The following CADPS2 variants were observed in gnomAD, a reference collection of about 807,000 sequenced individuals.
CADPS2 encodes calcium dependent secretion activator 2.
A neutral mutation model predicts 172.5 loss-of-function variants in CADPS2; 93 were observed. The ratio of observed to expected loss-of-function variants is 0.54; its 90% confidence interval spans 0.46 to 0.64. The LOEUF (loss-of-function observed/expected upper bound fraction) is 0.64. CADPS2 is among the 30% of genes least tolerant of loss of function. The pLI is 0.00. For synonymous variants in CADPS2, 546 were observed against 555.2 expected, an observed-to-expected ratio of 0.98 and a Z score of 0.23; for missense variants, 1,420 against 1,565.9, an observed-to-expected ratio of 0.91 and a Z score of 1.57.
chr7:122,565,240 A>C (rs2066303481), intron 7 of CADPS2, among the ~76,000 whole-genome samples: 2 of 152,102 alleles, frequency 1.3e-5, no homozygotes, highest in Non-Finnish European at 2.9e-5. Flanking sequence ...TTAAAAAAAA[A>C]AAAACTTCCC....
intron 1 of CADPS2, among the ~76,000 whole-genome samples, chr7:122,801,322 T>A (rs1005553140): frequency 2.0e-5 from 3 of 152,100 alleles, no homozygotes; most frequent in South Asian, 2.1e-4. Flanking sequence ...CCAGATATGC[T>A]TAAGTGGTCC....
At position 122,438,477 on chromosome 7, in the gene CADPS2, G is replaced by A. The variant is rs201869950; in HGVS notation, c.2353-13C>T. ...CTTTCATTAAAACCTACAGAGAGAG[G>A]AAGTGGAAGGGTGAGGGGCAGGGTT... is the stretch of plus-strand genomic sequence containing the variant. On this transcript the variant is annotated splice_polypyrimidine_tract_variant and intron_variant, in intron 16 of 29. Coordinates refer to ENST00000449022, the MANE Select transcript of CADPS2 (RefSeq NM_017954.11). The A allele has an allele frequency of 8.1e-6, 13 of 1,612,006 alleles. No homozygotes were observed. In the African/African-American group the frequency reaches 1.7e-4, roughly 22 times the overall value.
At chr7:122,793,167 C>T (rs1795644516) in intron 1 of CADPS2, among the ~76,000 whole-genome samples, 1 of 152,140 alleles carries the variant, frequency 6.6e-6, no homozygotes, top group African/African-American at 2.4e-5. Flanking sequence ...TGCATCCCTC[C>T]AGCCCCTATT....
intron 28 of CADPS2, among the ~76,000 whole-genome samples, chr7:122,335,951 T>C (rs1467469808): frequency 1.3e-5 from 2 of 152,164 alleles, no homozygotes; most frequent in African/African-American, 2.4e-5. Context: ...GCATGAAGAA[T>C]GTAGGTGAGG....
At chr7:122,808,491 G>A (rs73718015) in intron 1 of CADPS2, among the ~76,000 whole-genome samples, 2,462 of 152,226 alleles carry the variant, frequency 0.016, 61 homozygotes, top group African/African-American at 0.056. Context: ...ACCTTCTGCT[G>A]GAGTGATAAA....
chr7:122,658,001 G>C (rs1305630597), intron 3 of CADPS2, among the ~76,000 whole-genome samples: 1 of 152,052 alleles, frequency 6.6e-6, no homozygotes, highest in East Asian at 1.9e-4. Context: ...CTGATAAAGG[G>C]CTAATATCCA....
intron 1 of CADPS2, among the ~76,000 whole-genome samples, chr7:122,780,176 A>G (rs989338638): frequency 3.9e-5 from 6 of 152,150 alleles, no homozygotes; most frequent in Admixed American, 1.3e-4. Flanking sequence ...ACATAAAAAT[A>G]TAAATATAAT....
At chr7:122,707,196 G>A (rs1307573353) in intron 2 of CADPS2, among the ~76,000 whole-genome samples, 3 of 151,896 alleles carry the variant, frequency 2.0e-5, no homozygotes, top group African/African-American at 7.2e-5. Context: ...ACAAGGCACT[G>A]ACATGAGCCA....
At chr7:122,820,564 T>G (rs1400030382) in intron 1 of CADPS2, among the ~76,000 whole-genome samples, 1,671 of 118,878 alleles carry the variant, frequency 0.014, 145 homozygotes, top group African/African-American at 0.054. Context: ...TTGTTTTTTT[T>G]TTTTTTTTTT....
chr7:122,609,110 TC>T (rs1446157565), intron 6 of CADPS2, among the ~76,000 whole-genome samples: 1 of 152,166 alleles, frequency 6.6e-6, no homozygotes, highest in Non-Finnish European at 1.5e-5. Context: ...TTCCTTATTT[TC>T]CTGGCACCAA....
intron 7 of CADPS2, among the ~76,000 whole-genome samples, chr7:122,556,150 T>C (rs996783206): frequency 1.3e-5 from 2 of 152,122 alleles, no homozygotes; most frequent in Non-Finnish European, 2.9e-5. Flanking sequence ...GATCATACTC[T>C]AGAATTCATT....
At chr7:122,506,727 T>TAAA (rs5887092) in intron 9 of CADPS2, among the ~76,000 whole-genome samples, 3 of 142,054 alleles carry the variant, frequency 2.1e-5, no homozygotes, top group Admixed American at 7.0e-5. Flanking sequence ...TAGAGTTATT[T>TAAA]AAAAAAAAAA....
chr7:122,393,140 A>G, intron 22 of CADPS2, 56 bp downstream of exon 22: 2 of 1,595,394 alleles, frequency 1.3e-6, no homozygotes, highest in Non-Finnish European at 1.7e-6. Flanking sequence ...CGCAGAACAC[A>G]GCCCAGGCCA....
chr7:122,612,677 C>G (rs535876530), intron 6 of CADPS2, among the ~76,000 whole-genome samples: 2 of 152,124 alleles, frequency 1.3e-5, no homozygotes, highest in South Asian at 4.1e-4. Flanking sequence ...TTTGCATAAT[C>G]TTTACAAAAG....
intron 20 of CADPS2, among the ~76,000 whole-genome samples, chr7:122,396,927 G>A (rs908886161): frequency 1.3e-5 from 2 of 152,190 alleles, no homozygotes; most frequent in African/African-American, 4.8e-5. Flanking sequence ...TTTGTTGGAT[G>A]AATGAATATT....
intron 8 of CADPS2, among the ~76,000 whole-genome samples, chr7:122,538,737 T>G (rs1029519903): frequency 6.6e-6 from 1 of 152,032 alleles, no homozygotes; most frequent in African/African-American, 2.4e-5. Context: ...TTAGTGAAAT[T>G]AAGTATCTGT....
chr7:122,840,323 A>G (rs1810061173), intron 1 of CADPS2, among the ~76,000 whole-genome samples: 1 of 152,106 alleles, frequency 6.6e-6, no homozygotes, highest in Non-Finnish European at 1.5e-5. Context: ...AGATATACCT[A>G]ATGTAAATGA....
intron 24 of CADPS2, among the ~76,000 whole-genome samples, chr7:122,383,895 G>A (rs2043303378): frequency 6.6e-6 from 1 of 152,114 alleles, no homozygotes; most frequent in South Asian, 2.1e-4. Flanking sequence ...TTTGGCCCAA[G>A]TAGGGCCCCT....
At chr7:122,381,454 TTC>T (rs1491249452) in intron 24 of CADPS2, among the ~76,000 whole-genome samples, 3 of 152,240 alleles carry the variant, frequency 2.0e-5, no homozygotes, top group South Asian at 4.1e-4. Flanking sequence ...CCCAATGTTT[TTC>T]TCTGTTTTCA....
Sources: gnomAD v4.1 joint callset for allele counts (sites outside exome capture counted in the v4.1 genomes callset) on GRCh38, gnomAD v4.1.1 for gene constraint, MANE v1.5 for transcripts, NCBI Gene and HGNC (gene_info 2026-07-23, HGNC 2026-07-21) for gene names.